Variants in RAB27A observed in about 807,000 individuals in gnomAD.
RAB27A encodes ras-related protein Rab-27A.
A neutral mutation model predicts 20.8 loss-of-function variants in RAB27A; 17 were observed. The ratio of observed to expected loss-of-function variants is 0.82; its 90% CI spans 0.56 to 1.23. The LOEUF (loss-of-function observed/expected upper bound fraction) is 1.23, where lower values mean the gene tolerates loss of function less well. Among genes scored for constraint, RAB27A ranks in the 50% most tolerant of loss-of-function variants. The pLI, the probability that RAB27A is intolerant of heterozygous loss-of-function variation, is 0.00. For synonymous variants in RAB27A, 85 were observed against 92.8 expected (o/e 0.92, Z 0.48); for missense variants, 277 against 266.7 (o/e 1.04, Z -0.27).
chr15:55,317,750 C>G (rs1229969514), intron 1 of RAB27A: 8 of 398,470 alleles, frequency 2.0e-5, no homozygotes, highest in Non-Finnish European at 3.5e-5. Context: ...ATTCCAAGGA[C>G]AGTGGCAAAA....
intron 2 of RAB27A, among the ~76,000 whole-genome samples, chr15:55,262,843 C>G (rs2141074008): frequency 1.3e-5 from 2 of 152,150 alleles, no homozygotes; most frequent in African/African-American, 4.8e-5. Context: ...GTGTGAGCCA[C>G]CACGCCCAGC....
chr15:55,296,843 G>T (rs1348484409), intron 2 of RAB27A, among the ~76,000 whole-genome samples: 5 of 152,066 alleles, frequency 3.3e-5, no homozygotes, highest in African/African-American at 1.2e-4. Flanking sequence ...TTGGCTAGGG[G>T]AGGCCCACGT....
At chr15:55,291,454 T>C (rs960357154), upstream of RAB27A, among the ~76,000 whole-genome samples, 3 of 132,798 alleles carry the variant, frequency 2.3e-5, no homozygotes, top group Admixed American at 1.9e-4. Context: ...GAGGTTGCAA[T>C]GAGCCGAGAT....
intron 2 of RAB27A, among the ~76,000 whole-genome samples, chr15:55,252,594 T>C (rs1036066075): frequency 1.3e-5 from 2 of 151,690 alleles, no homozygotes; most frequent in African/African-American, 4.8e-5. Context: ...AGAGTGAGAT[T>C]CCATCTCAAA....
intron 2 of RAB27A, among the ~76,000 whole-genome samples, chr15:55,245,328 G>GA (rs1218078353): frequency 6.6e-6 from 1 of 152,100 alleles, no homozygotes; most frequent in East Asian, 1.9e-4. Context: ...GTCAAGAGTG[G>GA]AAAAAATGAT....
rs139680022 is a variant in RAB27A at position 55,260,729 on chromosome 15, T to C, written c.-23+9436A>G. The stretch of plus-strand genomic sequence containing the variant: ...TGGCATTCTAGGAAAGGCTAAACTG[T>C]GGAGATAGTACAAAGATCAGTGGTT... On this transcript the variant is annotated intron_variant, in intron 2 of 6. Transcript: ENST00000336787. Among the ~76,000 whole-genome samples the C allele has an allele frequency of 9.2e-5, 14 of 152,250 alleles. No homozygotes were observed. The East Asian group carries it at 1.2e-3, about 13-fold the overall frequency.
At chr15:55,209,907 T>C (rs1894879544) in intron 6 of RAB27A, among the ~76,000 whole-genome samples, 2 of 120,874 alleles carry the variant, frequency 1.7e-5, no homozygotes, top group African/African-American at 4.6e-5. Flanking sequence ...CACATATGTG[T>C]GTGTATGTAT....
chr15:55,260,632 T>C (rs923574910), intron 2 of RAB27A, among the ~76,000 whole-genome samples: 1 of 152,142 alleles, frequency 6.6e-6, no homozygotes, highest in Non-Finnish European at 1.5e-5. Flanking sequence ...TATCAAGCCA[T>C]GAAAAAACAT....
intron 2 of RAB27A, among the ~76,000 whole-genome samples, chr15:55,303,945 A>G (rs1372648822): frequency 1.3e-5 from 2 of 148,274 alleles, no homozygotes; most frequent in East Asian, 2.1e-4. Flanking sequence ...CCCGGCCACC[A>G]CCCTGTCTGG....
At position 55,228,843 on chromosome 15, in the gene RAB27A, T is replaced by C. The variant is rs551209252; in HGVS notation, c.240-131A>G. ...GCTACATGGTGATATTTCAAAAGTA[T>C]ATAGGATAGTTATTTATCACTTATA... On this transcript the variant is annotated intron_variant, in intron 4 of 6. Transcript: ENST00000336787. The C allele has an allele frequency of 9.8e-6, 7 of 716,842 alleles. No homozygotes were observed. The East Asian group carries it at 1.6e-4, about 17-fold the overall frequency. 44.4% of individuals were successfully genotyped at this position (716,842 alleles called of 1,614,324 possible).
intron 3 of RAB27A, among the ~76,000 whole-genome samples, chr15:55,233,354 T>A (rs12440550): frequency 0.17 from 25,796 of 151,968 alleles, 3,309 homozygotes; most frequent in African/African-American, 0.35. Context: ...CAAGGGAATT[T>A]TTAAAAAAGA....
chr15:55,290,850 G>GT (rs1175079318), upstream of RAB27A, among the ~76,000 whole-genome samples: 6 of 152,224 alleles, frequency 3.9e-5, no homozygotes, highest in African/African-American at 1.2e-4. Context: ...AGAGTAAAAT[G>GT]TTGAGAAGCC....
chr15:55,225,460 T>TA (rs1195925713), intron 5 of RAB27A, among the ~76,000 whole-genome samples: 1 of 152,216 alleles, frequency 6.6e-6, no homozygotes, highest in African/African-American at 2.4e-5. Flanking sequence ...AGCCTTAGCA[T>TA]AACCTAAGAA....
chr15:55,268,902 C>G (rs968644465), intron 2 of RAB27A, among the ~76,000 whole-genome samples: 3 of 152,148 alleles, frequency 2.0e-5, no homozygotes, highest in Non-Finnish European at 4.4e-5. Flanking sequence ...TAGAGGGAAT[C>G]AAGTTAAAAA....
At chr15:55,278,696 A>T (rs1039612785) in intron 1 of RAB27A, among the ~76,000 whole-genome samples, 1 of 151,978 alleles carries the variant, frequency 6.6e-6, no homozygotes, top group African/African-American at 2.4e-5. Context: ...GTTAGCCAGG[A>T]TGGTCTCGAT....
intron 2 of RAB27A, among the ~76,000 whole-genome samples, chr15:55,246,881 G>A (rs186881154): frequency 1.8e-3 from 280 of 152,066 alleles, no homozygotes; most frequent in African/African-American, 6.3e-3. Context: ...TGCTTTTTGT[G>A]AGCACATAGA....
chr15:55,209,998 ATG>A (rs1239224042), intron 6 of RAB27A, among the ~76,000 whole-genome samples: 7 of 129,910 alleles, frequency 5.4e-5, no homozygotes, highest in East Asian at 5.0e-4. Flanking sequence ...ATACGCATAT[ATG>A]TGTGTACATG....
chr15:55,287,052 T>C (rs1898175484), intron 1 of RAB27A, among the ~76,000 whole-genome samples: 2 of 151,354 alleles, frequency 1.3e-5, no homozygotes, highest in Non-Finnish European at 1.5e-5. Context: ...CCTGAGTAGC[T>C]GTGATTACAG....
intron 2 of RAB27A, among the ~76,000 whole-genome samples, chr15:55,298,376 G>A (rs141394424): frequency 0.022 from 3,418 of 152,206 alleles, 58 homozygotes; most frequent in Middle Eastern, 0.13. Flanking sequence ...ATCACATGTC[G>A]GTAGGTTCCG....
Sources: gnomAD v4.1 joint callset for allele counts (sites outside exome capture counted in the v4.1 genomes callset) on GRCh38, gnomAD v4.1.1 for gene constraint, MANE v1.5 for transcripts, NCBI Gene and HGNC (gene_info 2026-07-23, HGNC 2026-07-21) for gene names.